The following FAM13A variants were observed in gnomAD, a reference collection of about 807,000 sequenced individuals.
FAM13A encodes the protein family with sequence similarity 13 member A.
Under a neutral mutation model 129.6 loss-of-function variants are expected in FAM13A, and 76 were observed. The observed-to-expected ratio is 0.59, with a 90% confidence interval of 0.49 to 0.71. The LOEUF (loss-of-function observed/expected upper bound fraction) is 0.71, where lower values mean the gene tolerates loss of function less well. Ranked by LOEUF, FAM13A falls within the 30% of genes least tolerant of loss-of-function variation. The pLI, the probability that FAM13A is intolerant of heterozygous loss-of-function variation, is 0.00. For synonymous variants in FAM13A, 443 were observed against 449.9 expected (o/e 0.98, Z 0.20); for missense variants, 1,108 against 1,249.3 (o/e 0.89, Z 1.70).
chr4:88,781,359 T>C lies in FAM13A; in HGVS notation c.1272-8A>G. ...TCTTTGTTGATAAGTCCCCTTGAAT[T>C]GAGAAAAAAGCTTAATTTTATTTTA... On this transcript the variant is annotated splice_region_variant and splice_polypyrimidine_tract_variant and intron_variant, in intron 10 of 23. Coordinates refer to ENST00000264344, the MANE Select transcript of FAM13A (RefSeq NM_014883.4). 6.4e-7 allele frequency: 1 copy of C among 1,574,464 alleles called. No individual in the cohort carries two copies. Among genetic ancestry groups the C allele is most frequent in the Non-Finnish European group, 8.6e-7 (1 of 1,159,602 alleles).
intron 3 of FAM13A, among the ~76,000 whole-genome samples, chr4:89,014,008 AAT>A (rs1766108022): frequency 6.6e-6 from 1 of 152,154 alleles, no homozygotes; most frequent in Admixed American, 6.6e-5. Flanking sequence ...CCTGTGGTGC[AAT>A]AGTGTCCTGC....
At chr4:88,950,987 T>A (rs1367018960) in intron 4 of FAM13A, among the ~76,000 whole-genome samples, 4 of 152,132 alleles carry the variant, frequency 2.6e-5, no homozygotes, top group Non-Finnish European at 4.4e-5. Context: ...AGAAGACATG[T>A]AAAGGGAGGT....
At chr4:88,920,365 C>T (rs907474727) in intron 5 of FAM13A, among the ~76,000 whole-genome samples, 24 of 152,146 alleles carry the variant, frequency 1.6e-4, no homozygotes, top group Non-Finnish European at 2.6e-4. Context: ...TTCAGAGGAA[C>T]GATCAGACAG....
chr4:88,787,338 T>C (rs1405054861), intron 10 of FAM13A, among the ~76,000 whole-genome samples: 3 of 152,124 alleles, frequency 2.0e-5, no homozygotes, highest in Non-Finnish European at 4.4e-5. Flanking sequence ...TTTAATCACA[T>C]AAATATAATG....
chr4:88,982,927 C>T (rs966614277), intron 4 of FAM13A, among the ~76,000 whole-genome samples: 2 of 152,148 alleles, frequency 1.3e-5, no homozygotes, highest in Admixed American at 6.5e-5. Context: ...AGTCCTTCTT[C>T]TGAGACTACA....
chr4:88,784,219 C>T (rs1282183701), intron 10 of FAM13A, among the ~76,000 whole-genome samples: 1 of 152,144 alleles, frequency 6.6e-6, no homozygotes, highest in Non-Finnish European at 1.5e-5. Context: ...CTTTGTTGAA[C>T]TCTAATTTCG....
At chr4:88,843,388 A>G (rs1037221669) in intron 7 of FAM13A, among the ~76,000 whole-genome samples, 6 of 152,240 alleles carry the variant, frequency 3.9e-5, no homozygotes, top group East Asian at 1.9e-4. Flanking sequence ...TAAATCTTGT[A>G]TCTAAGAATC....
intron 3 of FAM13A, among the ~76,000 whole-genome samples, chr4:89,005,336 T>C (rs1764857743): frequency 6.6e-6 from 1 of 152,246 alleles, no homozygotes; most frequent in Non-Finnish European, 1.5e-5. Context: ...TTAGGTTGAT[T>C]CCATGTCTTT....
At chr4:88,901,808 T>C (rs1387331127) in intron 6 of FAM13A, among the ~76,000 whole-genome samples, 1 of 151,692 alleles carries the variant, frequency 6.6e-6, no homozygotes, top group Non-Finnish European at 1.5e-5. Flanking sequence ...AATCAACAAA[T>C]CTAGGAGCTG....
intron 19 of FAM13A, among the ~76,000 whole-genome samples, chr4:88,742,582 G>C (rs1250359827): frequency 6.6e-6 from 1 of 152,114 alleles, no homozygotes; most frequent in Non-Finnish European, 1.5e-5. Flanking sequence ...GAAGCCAAAG[G>C]CTCAGTGATA....
At chr4:88,878,867 T>C (rs1743049135) in intron 6 of FAM13A, among the ~76,000 whole-genome samples, 1 of 152,226 alleles carries the variant, frequency 6.6e-6, no homozygotes, top group Non-Finnish European at 1.5e-5. Context: ...AGCCTGATAG[T>C]ATGAAACTCA....
At chr4:88,844,647 T>C (rs1207266708) in intron 7 of FAM13A, among the ~76,000 whole-genome samples, 3 of 151,810 alleles carry the variant, frequency 2.0e-5, no homozygotes, top group African/African-American at 4.8e-5. Context: ...AAGACAAGCA[T>C]AGAGTTGGGG....
intron 6 of FAM13A, among the ~76,000 whole-genome samples, chr4:88,896,064 T>C (rs1198857570): frequency 2.7e-5 from 4 of 149,548 alleles, no homozygotes; most frequent in Admixed American, 2.0e-4. Context: ...ATGTGGCACA[T>C]ATACACCATG....
In FAM13A at chr4:88,926,250, AT is replaced by A. The variant is rs746972271; in HGVS notation, c.759+11837del. On this transcript the variant is annotated intron_variant, in intron 5 of 23. Coordinates refer to ENST00000264344, the MANE Select transcript of FAM13A (RefSeq NM_014883.4). ...ACCCCCCATCCCTGGAAGGATGTTC[AT>A]TTCTAGGCACTTCCAGCCCACAGAA... Among the ~76,000 whole-genome samples the A allele has an allele frequency of 9.9e-5, 15 of 152,110 alleles. No homozygotes were observed. In the East Asian group the frequency reaches 1.2e-3, roughly 12 times the overall value.
At chr4:88,826,503 A>G (rs1733018881) in intron 7 of FAM13A, among the ~76,000 whole-genome samples, 2 of 152,178 alleles carry the variant, frequency 1.3e-5, no homozygotes, top group Admixed American at 6.5e-5. Flanking sequence ...AATTCGTAAT[A>G]CTTAAACTTA....
Position 88,831,909 on chromosome 4 carries a change from A to G in FAM13A, c.1007+19111T>C, listed in dbSNP as rs1014550597. On this transcript the variant is annotated intron_variant, in intron 7 of 23. Transcript: ENST00000264344. ...GAATTTTTTTTTAAATTCATATGGAACCAAAGAAGACCCCAAATAGCCAAG... is the reference window on the plus strand; with the variant it reads ...GAATTTTTTTTTAAATTCATATGGAGCCAAAGAAGACCCCAAATAGCCAAG... 4.6e-5 allele frequency among the ~76,000 whole-genome samples: 7 copies of G among 152,180 alleles called. 1 individual carries two copies. Among genetic ancestry groups the G allele is most frequent in the African/African-American group, 1.7e-4 (7 of 41,442 alleles).
At chr4:88,795,662 G>A (rs1726012023) in intron 8 of FAM13A, among the ~76,000 whole-genome samples, 1 of 151,644 alleles carries the variant, frequency 6.6e-6, no homozygotes, top group Non-Finnish European at 1.5e-5. Flanking sequence ...GTATGTCCTC[G>A]ATACTCTGAA....
At chr4:88,917,847 T>A (rs1477297814) in intron 5 of FAM13A, among the ~76,000 whole-genome samples, 2 of 152,220 alleles carry the variant, frequency 1.3e-5, no homozygotes, top group Non-Finnish European at 2.9e-5. Flanking sequence ...AATAAAGGTG[T>A]ATCTCTGATG....
chr4:89,030,582 G>A (rs1391552610), intron 1 of FAM13A, among the ~76,000 whole-genome samples: 2 of 152,076 alleles, frequency 1.3e-5, no homozygotes, highest in Non-Finnish European at 2.9e-5. Context: ...ACTATTAAAT[G>A]ACTTAAATCA....
Sources: allele counts gnomAD v4.1 joint callset (sites outside exome capture counted in the v4.1 genomes callset), GRCh38; gene constraint gnomAD v4.1.1; transcripts MANE v1.5; gene names NCBI Gene and HGNC (gene_info 2026-07-23, HGNC 2026-07-21).